DDX3X: variants seen among roughly 807,000 people sequenced by gnomAD.
DDX3X encodes the protein DEAD-box helicase 3 X-linked.
DDX3X carries 4 observed loss-of-function variants against 52.7 expected under a neutral mutation model. The ratio of observed to expected loss-of-function variants is 0.08; its 90% CI spans 0.04 to 0.17. The LOEUF (loss-of-function observed/expected upper bound fraction) is 0.17, where lower values mean the gene tolerates loss of function less well. DDX3X is among the 10% of genes least tolerant of loss of function. DDX3X has a pLI of 1.00. For missense variants in DDX3X, 222 were observed against 548.6 expected (o/e 0.40, Z 5.95); for synonymous variants, 192 against 178.1 (o/e 1.08, Z -0.62).
rs1602126031 is a variant in DDX3X at position 41,341,062 on chromosome X, T to C, written c.152-422T>C. On this transcript the variant is annotated intron_variant, in intron 3 of 16. Transcript: ENST00000644876. ...GTGCAGTGGCGCAATCTTGGCTCACTGCAACCTCAGCCTCCCGGGTTCAAG... is the reference window on the plus strand; with the variant it reads ...GTGCAGTGGCGCAATCTTGGCTCACCGCAACCTCAGCCTCCCGGGTTCAAG... The C allele has an allele frequency of 7.7e-5, 15 of 195,152 alleles. No homozygotes were observed. In the East Asian group the frequency reaches 1.3e-3, roughly 17 times the overall value. 16.1% of individuals were successfully genotyped at this position (195,152 alleles called of 1,213,427 possible).
chrX:41,347,570 G>C (rs1021985179), intron 16 of DDX3X, 70 bp from the exon 17 acceptor site: 1 of 1,119,481 alleles, frequency 8.9e-7, no homozygotes, highest in Non-Finnish European at 1.2e-6. Context: ...GGCAAATTAC[G>C]TAAGGGAAGG....
chrX:41,334,438 G>A (rs2063725297), intron 1 of DDX3X, 141 bp downstream of exon 1: 9 of 1,121,700 alleles, frequency 8.0e-6, no homozygotes, highest in African/African-American at 1.8e-5. Flanking sequence ...GTGCCCCGGG[G>A]CTATAGAGGG....
chrX:41,341,970 G>A (rs2063857110), intron 4 of DDX3X: 2 of 169,211 alleles, frequency 1.2e-5, no homozygotes, highest in Non-Finnish European at 2.2e-5. Flanking sequence ...GACCCCACGT[G>A]CCTAATAGCT....
intron 4 of DDX3X, chrX:41,341,821 T>C: frequency 5.5e-6 from 2 of 365,289 alleles, no homozygotes; most frequent in South Asian, 1.0e-4. Context: ...AAATGAGTTA[T>C]TCTATTTCTC....
In DDX3X at chrX:41,355,629, G is replaced by A. The variant is rs5963962; in HGVS notation, c.654+8178G>A. 8.4e-3 allele frequency among the ~76,000 whole-genome samples: 854 copies of A among 101,343 alleles called. 11 individuals are homozygous for A. The highest frequency in any genetic ancestry group is 0.027 in the African/African-American group (760 of 27,964). 88.0% of individuals were successfully genotyped at this position (101,343 alleles called of 115,157 possible). A position where few individuals can be genotyped will look rare whatever the true frequency, so the allele number is the denominator to read the frequency against. On this transcript the variant is annotated intron_variant, in intron 5 of 5. Coordinates refer to the DDX3X transcript ENST00000616050. The stretch of plus-strand genomic sequence containing the variant: ...ACCACGGGTGTGTACCACCATGCTC[G>A]GCTAATTTTCTTTTTCTTTTTTTTT...
At chrX:41,342,099 C>T (rs1214441467) in intron 4 of DDX3X, 1 of 156,206 alleles carries the variant, frequency 6.4e-6, no homozygotes, top group Non-Finnish European at 1.2e-5. Flanking sequence ...GGTGAATTGT[C>T]CTTTAAGTGA....
chrX:41,349,500 G>A lies in DDX3X; in HGVS notation c.*1781G>A, dbSNP rs2063964768. The A allele has an allele frequency of 8.9e-6, 1 of 111,831 alleles. No homozygotes were observed. The highest frequency in any genetic ancestry group is 1.9e-5 in the Non-Finnish European group (1 of 53,182). The allele number at this position is 111,831 out of a possible 1,213,427, so 9.2% of individuals were successfully genotyped here. On this transcript the variant is annotated 3_prime_UTR_variant, in exon 17 of 17. Transcript: ENST00000644876. ...GATTTCTAGATACTTTTTGCTGCTA[G>A]TTTTATGTAATATTTATTGAACATT...
At chrX:41,355,271 G>A (rs915532995), downstream of DDX3X, among the ~76,000 whole-genome samples, 6 of 111,562 alleles carry the variant, frequency 5.4e-5, no homozygotes, top group South Asian at 3.7e-4. Flanking sequence ...ACAGGTTTTC[G>A]TGTAGACATA....
intron 7 of DDX3X, 138 bp from the exon 8 acceptor site, chrX:41,343,599 A>G: frequency 1.7e-6 from 1 of 593,263 alleles, no homozygotes; most frequent in Non-Finnish European, 2.6e-6. Context: ...GAGGTGGAGC[A>G]GAGAAGCCAC....
intron 1 of DDX3X, among the ~76,000 whole-genome samples, chrX:41,337,075 G>C (rs148493766): frequency 3.6e-5 from 4 of 112,481 alleles, no homozygotes; most frequent in African/African-American, 1.3e-4. Context: ...GTAAGCTTTA[G>C]TTTGGTGATT....
upstream of DDX3X, chrX:41,333,980 G>C: frequency 2.9e-6 from 1 of 342,149 alleles, no homozygotes; most frequent in East Asian, 4.7e-5. Context: ...AGGCAGGACT[G>C]CTAGGGGCGA....
chrX:41,362,085 T>A (rs2064031889), intron 5 of DDX3X, among the ~76,000 whole-genome samples: 1 of 69,028 alleles, frequency 1.4e-5, no homozygotes, highest in African/African-American at 7.7e-5. Flanking sequence ...ATAATTAACT[T>A]TTTTTTTTTT....
chrX:41,343,117 C>CT (rs1324574606), intron 6 of DDX3X, 99 bp from the exon 7 acceptor site: 14 of 977,767 alleles, frequency 1.4e-5, no homozygotes, highest in African/African-American at 2.0e-5. Context: ...AAACTATAAA[C>CT]TGAGTTACCA....
chrX:41,363,555 G>A (rs2064037466), intron 5 of DDX3X, among the ~76,000 whole-genome samples: 1 of 110,670 alleles, frequency 9.0e-6, no homozygotes, highest in Non-Finnish European at 1.9e-5. Context: ...AGGCCAAGGA[G>A]GGCAGATCAC....
At position 41,345,564 on chromosome X, in the gene DDX3X, T is replaced by C. The variant is rs1190339558; in HGVS notation, c.1315+16T>C. ...AATGCAACAGGTAACATTATGAATT[T>C]TTTATTTTATTAGACATGGGGGTTT... On this transcript the variant is annotated intron_variant, in intron 12 of 16. Transcript: ENST00000644876. The C allele has an allele frequency of 8.5e-7, 1 of 1,174,961 alleles. No homozygotes were observed. Among genetic ancestry groups the C allele is most frequent in the East Asian group, 3.0e-5 (1 of 33,571 alleles).
Position 41,346,502 on chromosome X carries a change from C to G in DDX3X, c.1498-3C>G, listed in dbSNP as rs765427481. ...GCCATATCTCATAAAAGTTATTTTC[C>G]AGGTAGCAGCAAGAGGACTGGACAT... is the stretch of plus-strand genomic sequence containing the variant. On this transcript the variant is annotated splice_polypyrimidine_tract_variant and splice_region_variant and intron_variant, in intron 13 of 16. Transcript: ENST00000644876. 1 of 1,202,060 alleles carries G rather than the reference C, an allele frequency of 8.3e-7. No homozygotes were observed.
chrX:41,352,382 TC>T (rs1277724771), downstream of DDX3X, among the ~76,000 whole-genome samples: 2 of 111,880 alleles, frequency 1.8e-5, no homozygotes, highest in Non-Finnish European at 3.8e-5. Context: ...CTCCTATCTT[TC>T]GCTGGAGATC....
chrX:41,358,065 C>CTTTTTTTT (rs59380932), intron 5 of DDX3X: 2 of 45,254 alleles, frequency 4.4e-5, no homozygotes, highest in Non-Finnish European at 7.2e-5. Context: ...GATAGACACT[C>CTTTTTTTT]TTTTTTTTTT....
chrX:41,346,434 AT>A, intron 13 of DDX3X, 24 bp downstream of exon 13: 1 of 1,200,602 alleles, frequency 8.3e-7, no homozygotes, highest in Non-Finnish European at 1.1e-6. Flanking sequence ...TCTTTCTTTT[AT>A]TCAAATTGAG....
Sources: allele counts gnomAD v4.1 joint callset (sites outside exome capture counted in the v4.1 genomes callset), GRCh38; gene constraint gnomAD v4.1.1; transcripts MANE v1.5; gene names NCBI Gene and HGNC (gene_info 2026-07-23, HGNC 2026-07-21).